MARK1: variants seen among roughly 807,000 people sequenced by gnomAD.
MARK1 encodes the protein microtubule affinity regulating kinase 1.
In MARK1, 40 loss-of-function variants were observed where a neutral mutation model predicts 96.3. The observed-to-expected ratio is 0.42, with a 90% CI of 0.32 to 0.54. The LOEUF is 0.54. Ranked by LOEUF, MARK1 falls within the 20% of genes least tolerant of loss-of-function variation. MARK1 has a pLI of 0.16. For missense variants in MARK1, 719 were observed against 984.6 expected (o/e 0.73, Z 3.61); for synonymous variants, 317 against 341.2 (o/e 0.93, Z 0.78).
chr1:220,543,941 T>C (rs2102720076), intron 1 of MARK1, among the ~76,000 whole-genome samples: 1 of 152,328 alleles, frequency 6.6e-6, no homozygotes. Flanking sequence ...TACATTGTAA[T>C]TAACCTCATA....
chr1:220,639,771 T>G (rs1299157339), intron 13 of MARK1, among the ~76,000 whole-genome samples: 1 of 152,220 alleles, frequency 6.6e-6, no homozygotes, highest in Non-Finnish European at 1.5e-5. Context: ...CCTTGGAATA[T>G]ATACATTTAA....
At chr1:220,541,437 G>C (rs1286460644) in intron 1 of MARK1, among the ~76,000 whole-genome samples, 2 of 152,104 alleles carry the variant, frequency 1.3e-5, no homozygotes, top group Admixed American at 1.3e-4. Context: ...AGGTCAATTT[G>C]TTCTATAGTG....
At chr1:220,647,413 G>A (rs1668641521) in intron 13 of MARK1, among the ~76,000 whole-genome samples, 2 of 152,148 alleles carry the variant, frequency 1.3e-5, no homozygotes, top group Non-Finnish European at 2.9e-5. Context: ...ATGCTGGCAA[G>A]GTTTCAGAGA....
intron 6 of MARK1, among the ~76,000 whole-genome samples, chr1:220,613,016 C>G (rs1190602119): frequency 6.6e-6 from 1 of 152,100 alleles, no homozygotes; most frequent in African/African-American, 2.4e-5. Flanking sequence ...ATAACTCCAC[C>G]TCAATGGAAA....
Position 220,598,360 on chromosome 1 carries a change from A to G in MARK1, c.339A>G (p.Ile113Met). Residue 113 changes from isoleucine to methionine, a missense_variant, in exon 4 of 18, where the codon ATA becomes ATG. Transcript: ENST00000366917. ...KLFREVRIMK[I>M]LNHPNIVKLF... ...TTCGAGAAGTACGAATAATGAAGAT[A>G]CTGAATCATCCTAATATAGGTATGA... The G allele has an allele frequency of 1.7e-6, 1 of 573,006 alleles. No individual in the cohort carries two copies. Among genetic ancestry groups the G allele is most frequent in the Non-Finnish European group, 3.1e-6 (1 of 327,446 alleles). 35.5% of individuals were successfully genotyped at this position (573,006 alleles called of 1,614,324 possible). A position where few individuals can be genotyped will look rare whatever the true frequency, so the allele number is the denominator to read the frequency against.
At chr1:220,650,253 T>C (rs1668798933) in intron 13 of MARK1, among the ~76,000 whole-genome samples, 1 of 152,174 alleles carries the variant, frequency 6.6e-6, no homozygotes, top group Non-Finnish European at 1.5e-5. Context: ...CTGTTGGTGA[T>C]GATACTTAGT....
rs1666142907 is a variant in MARK1 at position 220,607,329 on chromosome 1, T to C, written c.495+3192T>C. Among the ~76,000 whole-genome samples the C allele has an allele frequency of 2.6e-5, 4 of 152,152 alleles. No homozygotes were observed. The South Asian group carries it at 8.3e-4, about 32-fold the overall frequency. On this transcript the variant is annotated intron_variant, in intron 6 of 17. Coordinates refer to ENST00000366917, the MANE Select transcript of MARK1 (RefSeq NM_018650.5). ...CATGATTTGGCTCTCTGTTTGTCTG[T>C]TATTGGTGTATAGGAATGCTTGTGA...
At position 220,636,081 on chromosome 1, in the gene MARK1, A is replaced by T. The variant is rs550581912; in HGVS notation, c.1470+55A>T. 4.0e-6 allele frequency: 5 copies of T among 1,241,702 alleles called. No individual in the cohort carries two copies. In the East Asian group the frequency reaches 1.1e-4, roughly 27 times the overall value. 76.9% of individuals were successfully genotyped at this position (1,241,702 alleles called of 1,614,324 possible). A position where few individuals can be genotyped will look rare whatever the true frequency, so the allele number is the denominator to read the frequency against. On this transcript the variant is annotated intron_variant, in intron 13 of 17. Transcript: ENST00000366917. ...TATTGTAATAACTTGTTTTAGGGTT[A>T]TGTGTAAAATTTTTATCTTTCATTT... is the stretch of plus-strand genomic sequence containing the variant.
chr1:220,637,006 A>G (rs1668001664), intron 13 of MARK1, among the ~76,000 whole-genome samples: 1 of 152,220 alleles, frequency 6.6e-6, no homozygotes, highest in African/African-American at 2.4e-5. Flanking sequence ...GTATTGAAAG[A>G]AAAGCTCATT....
chr1:220,558,827 A>G (rs1434634112), intron 1 of MARK1, among the ~76,000 whole-genome samples: 1 of 152,148 alleles, frequency 6.6e-6, no homozygotes, highest in Non-Finnish European at 1.5e-5. Context: ...CTCAATGGAA[A>G]TGTATAGAGT....
chr1:220,629,805 T>C (rs1308516654), intron 9 of MARK1, among the ~76,000 whole-genome samples: 3 of 152,174 alleles, frequency 2.0e-5, no homozygotes, highest in Admixed American at 6.5e-5. Flanking sequence ...CTGAATAATA[T>C]TTATTTGTAT....
Position 220,635,535 on chromosome 1 carries a change from G to A in MARK1, c.1276+6G>A, listed in dbSNP as rs201975454. 88 of 1,599,704 alleles carry A rather than the reference G, an allele frequency of 5.5e-5. No individual in the cohort carries two copies. Among genetic ancestry groups the A allele is most frequent in the Admixed American group, 2.5e-4 (14 of 55,174 alleles). On this transcript the variant is annotated splice_donor_region_variant and intron_variant, in intron 12 of 17. Transcript: ENST00000366917. ...GCGGCGTTTCAGTGATCATGGTAGGGGAAAAAGTCACATAAGTGAAGCAAC... is the reference window on the plus strand; with the variant it reads ...GCGGCGTTTCAGTGATCATGGTAGGAGAAAAAGTCACATAAGTGAAGCAAC...
At chr1:220,651,298 T>G (rs1668858965) in intron 14 of MARK1, among the ~76,000 whole-genome samples, 1 of 152,234 alleles carries the variant, frequency 6.6e-6, no homozygotes, top group African/African-American at 2.4e-5. Flanking sequence ...AATGAAATTA[T>G]TTTCTTAGTA....
In MARK1 at chr1:220,531,305, A is replaced by T. The variant is rs112634018; in HGVS notation, c.51+2432A>T. Reference sequence around the variant, plus strand: ...TTATAGTCATTTTCAATTACATGACATATTTTTAAAAATAGTTACAAAACT... The same window carrying T: ...TTATAGTCATTTTCAATTACATGACTTATTTTTAAAAATAGTTACAAAACT... On this transcript the variant is annotated intron_variant, in intron 1 of 17. Transcript: ENST00000366917. Among the ~76,000 whole-genome samples the T allele has an allele frequency of 3.6e-3, 555 of 152,266 alleles. 5 individuals are homozygous for T. The highest frequency in any genetic ancestry group is 0.013 in the African/African-American group (524 of 41,582).
At chr1:220,625,024 A>G (rs1446681674) in intron 9 of MARK1, among the ~76,000 whole-genome samples, 1 of 152,208 alleles carries the variant, frequency 6.6e-6, no homozygotes, top group African/African-American at 2.4e-5. Context: ...CGTTATAACA[A>G]CTTCGTAAGG....
chr1:220,584,923 T>G (rs1223156981), intron 3 of MARK1, among the ~76,000 whole-genome samples: 1 of 152,214 alleles, frequency 6.6e-6, no homozygotes, highest in Admixed American at 6.5e-5. Flanking sequence ...ACAAAACCAC[T>G]TATGTGCTGA....
intron 1 of MARK1, among the ~76,000 whole-genome samples, chr1:220,562,873 C>G (rs1023858407): frequency 6.6e-6 from 1 of 152,052 alleles, no homozygotes; most frequent in Non-Finnish European, 1.5e-5. Context: ...TCAGGTTTTG[C>G]TTTTTGGAAC....
intron 3 of MARK1, among the ~76,000 whole-genome samples, chr1:220,583,161 A>G (rs1359018974): frequency 6.6e-6 from 1 of 152,200 alleles, no homozygotes; most frequent in African/African-American, 2.4e-5. Flanking sequence ...TCTTAGGTAT[A>G]CTCATAAAAG....
chr1:220,540,795 CTGT>C (rs1423241281), intron 1 of MARK1, among the ~76,000 whole-genome samples: 4 of 151,410 alleles, frequency 2.6e-5, no homozygotes, highest in Non-Finnish European at 1.5e-5. Context: ...TGATTTTTTT[CTGT>C]TGTTTTTGTA....
Sources: gnomAD v4.1 joint callset for allele counts (sites outside exome capture counted in the v4.1 genomes callset) on GRCh38, gnomAD v4.1.1 for gene constraint, MANE v1.5 for transcripts, NCBI Gene and HGNC (gene_info 2026-07-23, HGNC 2026-07-21) for gene names.